Variants in HCN2 observed in about 807,000 individuals in gnomAD.
The protein encoded by HCN2 is potassium/sodium hyperpolarization-activated cyclic nucleotide-gated channel 2.
A neutral mutation model predicts 52.3 loss-of-function variants in HCN2; 20 were observed. That is an observed-to-expected ratio of 0.38 (90% CI 0.27 to 0.56). The LOEUF is 0.56. Ranked by LOEUF, HCN2 falls within the 20% of genes least tolerant of loss-of-function variation. HCN2 has a pLI of 0.71. For synonymous variants in HCN2, 694 were observed against 537.0 expected (o/e 1.29, Z -4.04); for missense variants, 981 against 1,207.7 (o/e 0.81, Z 2.78).
intron 1 of HCN2, among the ~76,000 whole-genome samples, chr19:596,071 G>T (rs1320767825): frequency 6.6e-6 from 1 of 152,254 alleles, no homozygotes; most frequent in Non-Finnish European, 1.5e-5. Context: ...AGGAGACCTG[G>T]TGTCCTCGTG....
intron 1 of HCN2, among the ~76,000 whole-genome samples, chr19:601,646 T>C (rs149525713): frequency 2.3e-3 from 354 of 152,242 alleles, no homozygotes; most frequent in African/African-American, 8.0e-3. Flanking sequence ...TTGGGTATAA[T>C]CTCGGGGCAG....
Position 616,534 on chromosome 19 carries a change from A to G in HCN2, c.*60A>G. ...GGGGGCGGGGCCGTCATCCAGACCA[A>G]AGCCATGCCATTGCGCTGCCCCGGC... On this transcript the variant is annotated 3_prime_UTR_variant, in exon 8 of 8. Coordinates refer to ENST00000251287, the MANE Select transcript of HCN2 (RefSeq NM_001194.4). 9.9e-7 allele frequency: 1 copy of G among 1,007,184 alleles called. No homozygotes were observed. Among genetic ancestry groups the G allele is most frequent in the Non-Finnish European group, 1.2e-6 (1 of 802,090 alleles). The allele number at this position is 1,007,184 out of a possible 1,614,324, so 62.4% of individuals were successfully genotyped here.
intron 1 of HCN2, among the ~76,000 whole-genome samples, chr19:601,922 G>T (rs923829277): frequency 3.9e-5 from 6 of 152,190 alleles, no homozygotes; most frequent in African/African-American, 1.4e-4. Context: ...CTCTGGCCGG[G>T]TGTATCTGGG....
At position 616,841 on chromosome 19, in the gene HCN2, C is replaced by A. The variant is rs1396502122; in HGVS notation, c.*367C>A. On this transcript the variant is annotated 3_prime_UTR_variant, in exon 8 of 8. Transcript: ENST00000251287. ...CGCCCCCCACCCTCTAGGTGGCCCC[C>A]GTCCGAGGAGGATCGTTTTCTAAGT... is the stretch of plus-strand genomic sequence containing the variant. 1.0e-5 allele frequency: 2 copies of A among 194,522 alleles called. No homozygotes were observed. The highest frequency in any genetic ancestry group is 2.4e-5 in the African/African-American group (1 of 41,998). 12.0% of individuals were successfully genotyped at this position (194,522 alleles called of 1,614,324 possible). A position where few individuals can be genotyped will look rare whatever the true frequency, so the allele number is the denominator to read the frequency against.
At chr19:601,887 T>C (rs1983213128) in intron 1 of HCN2, among the ~76,000 whole-genome samples, 1 of 151,826 alleles carries the variant, frequency 6.6e-6, no homozygotes, top group African/African-American at 2.4e-5. Context: ...AGGGAGAGTT[T>C]TGGGATCCAC....
intron 3 of HCN2, among the ~76,000 whole-genome samples, chr19:606,534 G>C (rs1458914401): frequency 1.3e-5 from 2 of 151,768 alleles, no homozygotes; most frequent in East Asian, 3.9e-4. Flanking sequence ...CCCTGAATTG[G>C]GAAAGTGGTA....
chr19:613,613 ATGGGGATGGGGATGGGGATGGGGCCG>A (rs1983750753), intron 6 of HCN2, 125 bp downstream of exon 6: 1 of 44,424 alleles, frequency 2.3e-5, no homozygotes, highest in African/African-American at 2.4e-4. Context: ...GGGGCCGGGG[ATGGGGATGGGGATGGGGATGGGGCCG>A]GGGATGGGGA....
rs1983934422 is a variant in HCN2 at position 616,490 on chromosome 19, C to T, written c.*16C>T. 4.1e-6 allele frequency: 5 copies of T among 1,214,382 alleles called. 1 individual carries two copies. The South Asian group carries it at 1.2e-4, about 29-fold the overall frequency. The allele number at this position is 1,214,382 out of a possible 1,614,324, so 75.2% of individuals were successfully genotyped here. A position where few individuals can be genotyped will look rare whatever the true frequency, so the allele number is the denominator to read the frequency against. ...CAACTTGTGACCCTCGCCGACCGCC[C>T]CGCGGGCCCAGGCGGGCCGGGGGCG... On this transcript the variant is annotated 3_prime_UTR_variant, in exon 8 of 8. Transcript: ENST00000251287.
chr19:613,065 G>A (rs1050017834), intron 5 of HCN2, among the ~76,000 whole-genome samples, 183 bp from the exon 6 acceptor site: 3 of 152,196 alleles, frequency 2.0e-5, no homozygotes, highest in Non-Finnish European at 2.9e-5. Context: ...AACGGCGAAG[G>A]GGCACTGAGC....
chr19:593,953 A>T (rs1982947347), intron 1 of HCN2, among the ~76,000 whole-genome samples: 1 of 152,246 alleles, frequency 6.6e-6, no homozygotes, highest in African/African-American at 2.4e-5. Flanking sequence ...AAAAATAAGT[A>T]TAGTTCATTC....
At chr19:614,709 C>T (rs1276202997) in intron 7 of HCN2, among the ~76,000 whole-genome samples, 1 of 151,468 alleles carries the variant, frequency 6.6e-6, no homozygotes, top group African/African-American at 2.4e-5. Flanking sequence ...AAATCAGGAG[C>T]ATCAGGGAGC....
Position 613,261 on chromosome 19 carries a change from T to G in HCN2, c.1598T>G (p.Phe533Cys), listed in dbSNP as rs1983725072. ...NGPLREEIVN[F>C]NCRKLVASMP... ...TCCCCCCTGCAGGAGATCGTCAACT[T>G]CAACTGCCGGAAGCTGGTGGCCTCC... Residue 533 changes from phenylalanine to cysteine, a missense_variant, in exon 6 of 8, where the codon TTC becomes TGC. Coordinates refer to ENST00000251287, the MANE Select transcript of HCN2 (RefSeq NM_001194.4). 6.2e-7 allele frequency: 1 copy of G among 1,611,646 alleles called. No individual in the cohort carries two copies.
Position 616,827 on chromosome 19 carries a change from C to CT in HCN2, c.*354dup, listed in dbSNP as rs1221257046. 9.9e-6 allele frequency: 2 copies of CT among 201,838 alleles called. No homozygotes were observed. Among genetic ancestry groups the CT allele is most frequent in the African/African-American group, 4.7e-5 (2 of 42,188 alleles). 12.5% of individuals were successfully genotyped at this position (201,838 alleles called of 1,614,324 possible). A position where few individuals can be genotyped will look rare whatever the true frequency, so the allele number is the denominator to read the frequency against. ...TGTGGAGCCCCGCCCGCCCCCCACCCTCTAGGTGGCCCCCGTCCGAGGAGG... is the reference window on the plus strand; with the variant it reads ...TGTGGAGCCCCGCCCGCCCCCCACCCTTCTAGGTGGCCCCCGTCCGAGGAGG... On this transcript the variant is annotated 3_prime_UTR_variant, in exon 8 of 8. Transcript: ENST00000251287.
At chr19:598,280 G>A in intron 1 of HCN2, among the ~76,000 whole-genome samples, 1 of 152,090 alleles carries the variant, frequency 6.6e-6, no homozygotes. Context: ...AGCTTGTGAG[G>A]GGACCCCTCC....
At position 592,734 on chromosome 19, in the gene HCN2, C is replaced by A. The variant is rs1982909747; in HGVS notation, c.632+2157C>A. On this transcript the variant is annotated intron_variant, in intron 1 of 7. Transcript: ENST00000251287. This position sits in a 1 kb window ranked among gnomAD's most constrained non-coding sequence, Gnocchi z 4.8. ...CTTGGGACCTGTGCCAGTGTGGAAT[C>A]AGTGTGGAAAAAGACCCCCAAGAAT... Among the ~76,000 whole-genome samples, 1 of 152,136 alleles carries A rather than the reference C, an allele frequency of 6.6e-6. No homozygotes were observed.
rs1302704167 is a variant in HCN2, at chr19:590,254, G to T, written c.309G>T (p.Gly103=). The T allele has an allele frequency of 5.1e-6, 5 of 989,136 alleles. No homozygotes were observed. The highest frequency in any genetic ancestry group is 6.0e-6 in the Non-Finnish European group (5 of 834,048). 61.3% of individuals were successfully genotyped at this position (989,136 alleles called of 1,614,324 possible). ...AGGGCAGCCCGAACGGCGAGTGCGG[G>T]CGCGGCGAGCCGCAGTGCAGCCCCG... ...TAKGSPNGEC[G]RGEPQCSPAG... Residue 103 remains glycine (G), a synonymous_variant, in exon 1 of 8, where the codon GGG becomes GGT. Transcript: ENST00000251287. The surrounding 1 kb of genome is among the most constrained non-coding windows in gnomAD (Gnocchi z 7.2).
chr19:615,419 CAGG>C (rs1983853957), intron 7 of HCN2, among the ~76,000 whole-genome samples: 2 of 152,126 alleles, frequency 1.3e-5, no homozygotes, highest in South Asian at 2.1e-4. Flanking sequence ...GAGGATGAGG[CAGG>C]AGAATGGTGT....
chr19:615,098 G>A (rs1198214928), intron 7 of HCN2, among the ~76,000 whole-genome samples: 1 of 152,038 alleles, frequency 6.6e-6, no homozygotes, highest in African/African-American at 2.4e-5. Flanking sequence ...ACAGGCAGGT[G>A]TTTTCGGTAT....
At chr19:613,720 G>GCA (rs1335758122) in intron 6 of HCN2, 132 bp from the exon 7 acceptor site, 10,520 of 459,136 alleles carry the variant, frequency 0.023, 2,029 homozygotes, top group African/African-American at 0.061. Context: ...TGGGGCCGGG[G>GCA]CCGGCACCAG....
Sources: allele counts gnomAD v4.1 joint callset (sites outside exome capture counted in the v4.1 genomes callset), GRCh38; gene constraint gnomAD v4.1.1; non-coding constraint Gnocchi (gnomAD v3.1); transcripts MANE v1.5; gene names NCBI Gene and HGNC (gene_info 2026-07-23, HGNC 2026-07-21).